THRB: variants seen among roughly 807,000 people sequenced by gnomAD.
THRB encodes the protein nuclear receptor subfamily 1 group A member 2.
Under a neutral mutation model 47.8 loss-of-function variants are expected in THRB, and 12 were observed. That is an observed-to-expected ratio of 0.25 (90% CI 0.16 to 0.41). The LOEUF is 0.41. Ranked by LOEUF, THRB falls within the 10% of genes least tolerant of loss-of-function variation. THRB has a pLI of 1.00. For synonymous variants in THRB, 218 were observed against 212.2 expected, an observed-to-expected ratio of 1.03 and a Z score of -0.24; for missense variants, 348 against 589.2, an observed-to-expected ratio of 0.59 and a Z score of 4.24.
At chr3:24,201,390 C>T (rs188661027) in intron 4 of THRB, among the ~76,000 whole-genome samples, 79 of 152,226 alleles carry the variant, frequency 5.2e-4, no homozygotes, top group African/African-American at 1.8e-3. Flanking sequence ...ACTCAAAGTG[C>T]AGTCTAAGGA....
chr3:24,341,954 T>C (rs1478076025), intron 1 of THRB, among the ~76,000 whole-genome samples: 1 of 152,084 alleles, frequency 6.6e-6, no homozygotes, highest in East Asian at 1.9e-4. Context: ...GTCACCTAGC[T>C]GACATACAGC....
chr3:24,334,757 C>T lies in THRB; in HGVS notation c.-189+2543G>A, dbSNP rs531266231. 2.2e-3 allele frequency among the ~76,000 whole-genome samples: 332 copies of T among 152,284 alleles called. 3 individuals carry two copies. Among genetic ancestry groups the T allele is most frequent in the African/African-American group, 7.7e-3 (319 of 41,554 alleles). ...TTTGGGGGAGTGGCTGAAGCTAAGA[C>T]TATCCATAACTCTTAGGGTGAGTTC... On this transcript the variant is annotated intron_variant, in intron 2 of 10. Transcript: ENST00000646209.
intron 10 of THRB, among the ~76,000 whole-genome samples, chr3:24,126,868 T>A (rs2032925856): frequency 6.6e-6 from 1 of 152,226 alleles, no homozygotes; most frequent in Admixed American, 6.5e-5. Flanking sequence ...CTGGGCCTCA[T>A]GGGATCTGCA....
chr3:24,241,389 G>A (rs1446965180), intron 3 of THRB, among the ~76,000 whole-genome samples: 2 of 152,148 alleles, frequency 1.3e-5, no homozygotes, highest in East Asian at 1.9e-4. Flanking sequence ...GAGTTTGAGC[G>A]TGGAGACAGG....
chr3:24,198,067 C>T (rs778892154), intron 4 of THRB, among the ~76,000 whole-genome samples: 1 of 152,158 alleles, frequency 6.6e-6, no homozygotes, highest in Non-Finnish European at 1.5e-5. Flanking sequence ...TTTCCCAGTG[C>T]CTTTGAATCT....
chr3:24,424,685 C>T (rs1484299031), intron 1 of THRB, among the ~76,000 whole-genome samples: 4 of 151,930 alleles, frequency 2.6e-5, no homozygotes, highest in African/African-American at 7.2e-5. Flanking sequence ...TCTCTCTCTC[C>T]TTGTCAAGGT....
chr3:24,447,250 A>G (rs533010350), intron 1 of THRB, among the ~76,000 whole-genome samples: 10 of 152,348 alleles, frequency 6.6e-5, no homozygotes, highest in African/African-American at 2.4e-4. Context: ...GTTATCAATT[A>G]TAATGCATTA....
chr3:24,490,263 G>A (rs1343787014), intron 1 of THRB, among the ~76,000 whole-genome samples: 1 of 152,218 alleles, frequency 6.6e-6, no homozygotes, highest in Non-Finnish European at 1.5e-5. Flanking sequence ...AAAACAAGGA[G>A]TTAACTTGCC....
At chr3:24,398,663 A>T (rs1287365314) in intron 1 of THRB, among the ~76,000 whole-genome samples, 2 of 152,198 alleles carry the variant, frequency 1.3e-5, no homozygotes, top group Admixed American at 1.3e-4. Flanking sequence ...TGTGGAAGTC[A>T]GTGTGGCGAT....
intron 1 of THRB, among the ~76,000 whole-genome samples, chr3:24,358,817 C>A (rs1181304028): frequency 6.6e-6 from 1 of 152,120 alleles, no homozygotes; most frequent in Non-Finnish European, 1.5e-5. Flanking sequence ...ACTGTCAAAA[C>A]ATTCCCTTAA....
chr3:24,442,824 C>CA (rs71988334), intron 1 of THRB, among the ~76,000 whole-genome samples: 215 of 135,100 alleles, frequency 1.6e-3, no homozygotes, highest in East Asian at 4.1e-3. Flanking sequence ...AACTCCGTCT[C>CA]AAAAAAAAAA....
At chr3:24,455,357 T>G (rs938702881) in intron 1 of THRB, 1 of 152,150 alleles carries the variant, frequency 6.6e-6, no homozygotes, top group Non-Finnish European at 1.5e-5. Context: ...CTATCTTCTC[T>G]TCTCTGTAAA....
intron 3 of THRB, among the ~76,000 whole-genome samples, chr3:24,260,948 G>A (rs966576609): frequency 5.9e-5 from 9 of 152,176 alleles, no homozygotes; most frequent in African/African-American, 2.2e-4. Context: ...CCCAACCCCA[G>A]AGTTTCTGAA....
At chr3:24,220,500 G>A (rs1021616735) in intron 4 of THRB, among the ~76,000 whole-genome samples, 9 of 152,070 alleles carry the variant, frequency 5.9e-5, no homozygotes, top group Non-Finnish European at 8.8e-5. Flanking sequence ...CAAAAAGAAA[G>A]CTCCCAGAGG....
intron 3 of THRB, among the ~76,000 whole-genome samples, chr3:24,229,822 G>T (rs1242752972): frequency 6.6e-6 from 1 of 152,334 alleles, no homozygotes; most frequent in African/African-American, 2.4e-5. Flanking sequence ...GTGGTAGATG[G>T]TGGTAGCATT....
At chr3:24,428,786 G>T (rs2070050527) in intron 1 of THRB, among the ~76,000 whole-genome samples, 1 of 151,512 alleles carries the variant, frequency 6.6e-6, no homozygotes, top group South Asian at 2.1e-4. Context: ...TGTTTCTTTT[G>T]TAATTTTCAT....
chr3:24,296,876 C>T (rs1290413303), intron 3 of THRB, among the ~76,000 whole-genome samples: 6 of 152,148 alleles, frequency 3.9e-5, no homozygotes, highest in African/African-American at 7.2e-5. Flanking sequence ...GACTTCCTGC[C>T]GAAGAGCCCT....
intron 1 of THRB, among the ~76,000 whole-genome samples, chr3:24,439,205 T>C (rs1471038653): frequency 6.6e-6 from 1 of 152,066 alleles, no homozygotes; most frequent in Non-Finnish European, 1.5e-5. Context: ...ATGAGGTAGA[T>C]GTCATTGTCA....
intron 3 of THRB, among the ~76,000 whole-genome samples, chr3:24,280,097 C>G (rs1303237848): frequency 6.6e-6 from 1 of 152,114 alleles, no homozygotes; most frequent in Non-Finnish European, 1.5e-5. Context: ...GCTATAGAAC[C>G]GGGGGAGGAG....
Sources: allele counts gnomAD v4.1 joint callset (sites outside exome capture counted in the v4.1 genomes callset), GRCh38; gene constraint gnomAD v4.1.1; transcripts MANE v1.5; gene names NCBI Gene and HGNC (gene_info 2026-07-23, HGNC 2026-07-21).